The following STK4 variants were observed in gnomAD, a reference collection of about 807,000 sequenced individuals.
The protein encoded by STK4 is serine/threonine-protein kinase 4.
Under a neutral mutation model 64.9 loss-of-function variants are expected in STK4, and 30 were observed. That is an observed-to-expected ratio of 0.46 (90% CI 0.35 to 0.63). The LOEUF (loss-of-function observed/expected upper bound fraction) is 0.63, where lower values mean the gene tolerates loss of function less well. Among genes scored for constraint, STK4 ranks in the 20% least tolerant of loss-of-function variants. The pLI is 0.01. For missense variants in STK4, 466 were observed against 598.5 expected (o/e 0.78, Z 2.31); for synonymous variants, 177 against 199.0 (o/e 0.89, Z 0.93).
In STK4 at chr20:45,001,217, G is replaced by A. The variant is rs2067832956; in HGVS notation, c.1011G>A (p.Glu337=). The A allele has an allele frequency of 1.2e-6, 2 of 1,614,156 alleles. No homozygotes were observed. Among genetic ancestry groups the A allele is most frequent in the East Asian group, 4.5e-5 (2 of 44,890 alleles). The change falls in exon 9 of 11, where the codon GAG becomes GAA. Residue 337 remains glutamate (E), a synonymous_variant. Coordinates refer to ENST00000372806, the MANE Select transcript of STK4 (RefSeq NM_006282.5). ...SGTMVRAVGD[E]MGTVRVASTM... ...CGATGGTTCGAGCAGTGGGTGATGA[G>A]ATGGGCACTGTCCGAGTAGCCAGCA...
chr20:45,044,027 C>T (rs1227318572), intron 10 of STK4, among the ~76,000 whole-genome samples: 1 of 152,138 alleles, frequency 6.6e-6, no homozygotes, highest in African/African-American at 2.4e-5. Context: ...GGAATTAAAA[C>T]TATTACTGCT....
chr20:44,984,540 A>C (rs942546245), intron 4 of STK4, among the ~76,000 whole-genome samples: 2 of 152,180 alleles, frequency 1.3e-5, no homozygotes, highest in African/African-American at 4.8e-5. Flanking sequence ...TATTTTGCCA[A>C]ATGTTATAAC....
intron 10 of STK4, among the ~76,000 whole-genome samples, chr20:45,074,607 C>A (rs538704713): frequency 1.3e-5 from 2 of 152,120 alleles, no homozygotes; most frequent in South Asian, 4.1e-4. Flanking sequence ...AAGGCGCTGT[C>A]CAGATAGACG....
At chr20:45,074,773 C>T (rs1385836385) in intron 10 of STK4, among the ~76,000 whole-genome samples, 3 of 152,126 alleles carry the variant, frequency 2.0e-5, no homozygotes, top group Admixed American at 6.5e-5. Flanking sequence ...GGTCAAGGCA[C>T]ATTAAATCAA....
intron 4 of STK4, among the ~76,000 whole-genome samples, chr20:44,985,339 C>G (rs930170807): frequency 6.6e-6 from 1 of 152,054 alleles, no homozygotes; most frequent in Non-Finnish European, 1.5e-5. Flanking sequence ...TAACGGTTAG[C>G]CTTTATTTAT....
chr20:44,987,731 TCTC>T (rs2067555270), intron 5 of STK4, among the ~76,000 whole-genome samples: 1 of 151,938 alleles, frequency 6.6e-6, no homozygotes, highest in South Asian at 2.1e-4. Context: ...TCTTGATTCT[TCTC>T]CTGCCTAACT....
At chr20:45,036,681 A>G (rs1285198842) in intron 10 of STK4, among the ~76,000 whole-genome samples, 3 of 152,176 alleles carry the variant, frequency 2.0e-5, no homozygotes, top group Non-Finnish European at 2.9e-5. Flanking sequence ...TTGTGAACAA[A>G]TGTGAATCTT....
At chr20:45,050,267 C>T (rs1388794439) in intron 10 of STK4, among the ~76,000 whole-genome samples, 1 of 152,118 alleles carries the variant, frequency 6.6e-6, no homozygotes, top group African/African-American at 2.4e-5. Flanking sequence ...CTGAGTTCTC[C>T]AGCTCTTCAC....
rs1006072595 is a variant in STK4 at position 45,016,995 on chromosome 20, A to T, written c.1148-7978A>T. 2.0e-5 allele frequency among the ~76,000 whole-genome samples: 3 copies of T among 152,342 alleles called. No homozygotes were observed. The East Asian group carries it at 5.8e-4, about 29-fold the overall frequency. ...AAATGGAGATACATTTTTAAATATC[A>T]ATTTAAGTGGATCTATAAAGAAAAA... On this transcript the variant is annotated intron_variant, in intron 9 of 10. Transcript: ENST00000372806.
intron 10 of STK4, among the ~76,000 whole-genome samples, chr20:45,068,852 C>G (rs2145480256): frequency 6.6e-6 from 1 of 152,326 alleles, no homozygotes; most frequent in South Asian, 2.1e-4. Flanking sequence ...AAGTAATTAA[C>G]ATACTTCTTC....
At position 44,987,141 on chromosome 20, in the gene STK4, G is replaced by A. The variant is rs759942089; in HGVS notation, c.370G>A (p.Asp124Asn). The change falls in exon 5 of 11, where the codon GAT (aspartate) becomes AAT (asparagine). Residue 124 changes from aspartate to asparagine, a missense_variant. By Grantham distance (23) the Asp-to-Asn change is conservative (BLOSUM62 1). Coordinates refer to ENST00000372806, the MANE Select transcript of STK4 (RefSeq NM_006282.5). The stretch of plus-strand genomic sequence containing the variant: ...CTTATTCTTTTTTCAGTTAACAGAA[G>A]ATGAAATAGCTACAATATTACAATC... ...IRLRNKTLTEDEIATILQSTL... is the reference protein window; with the variant it reads ...IRLRNKTLTENEIATILQSTL... 3 of 1,585,396 alleles carry A rather than the reference G, an allele frequency of 1.9e-6. No homozygotes were observed. The East Asian group carries it at 6.8e-5, about 36-fold the overall frequency.
intron 8 of STK4, among the ~76,000 whole-genome samples, chr20:45,000,732 T>G (rs2067822721): frequency 6.6e-6 from 1 of 152,210 alleles, no homozygotes; most frequent in Non-Finnish European, 1.5e-5. Flanking sequence ...CTTTTAAATT[T>G]TACTCTTTGC....
chr20:44,983,200 T>C (rs2067472120), intron 4 of STK4, among the ~76,000 whole-genome samples: 1 of 152,332 alleles, frequency 6.6e-6, no homozygotes, highest in South Asian at 2.1e-4. Flanking sequence ...CTAGATTGTA[T>C]TGGATATTGC....
rs150069136 is a variant in STK4 at position 45,060,560 on chromosome 20, C to T, written c.1306-14458C>T. Among the ~76,000 whole-genome samples the T allele has an allele frequency of 4.2e-4, 64 of 152,234 alleles. No homozygotes were observed. The East Asian group carries it at 0.011, about 25-fold the overall frequency. On this transcript the variant is annotated intron_variant, in intron 10 of 10. Coordinates refer to ENST00000372806, the MANE Select transcript of STK4 (RefSeq NM_006282.5). Reference sequence around the variant, plus strand: ...GTTGGCCAGGCTTTACAGTCAGACACGCTAAGGTTCCTATCCTAATTCAAC... The same window carrying T: ...GTTGGCCAGGCTTTACAGTCAGACATGCTAAGGTTCCTATCCTAATTCAAC...
At position 45,062,989 on chromosome 20, in the gene STK4, C is replaced by CTTTTTT. The variant is rs71197599; in HGVS notation, c.1306-12004_1306-11999dup. 5.2e-3 allele frequency among the ~76,000 whole-genome samples: 164 copies of CTTTTTT among 31,508 alleles called. 37 individuals are homozygous for CTTTTTT. The highest frequency in any genetic ancestry group is 0.021 in the African/African-American group (151 of 7,168). 20.7% of individuals were successfully genotyped at this position (31,508 alleles called of 152,430 possible). On this transcript the variant is annotated intron_variant, in intron 10 of 10. Coordinates refer to ENST00000372806, the MANE Select transcript of STK4 (RefSeq NM_006282.5). ...ACAGGTGTGAGCCACCGCACCCGGC[C>CTTTTTT]TTTTTTTTTTTTTTTTTTTTTTTTT... is the stretch of plus-strand genomic sequence containing the variant.
intron 9 of STK4, among the ~76,000 whole-genome samples, chr20:45,018,848 C>G (rs1479682671): frequency 6.6e-6 from 1 of 151,688 alleles, no homozygotes; most frequent in African/African-American, 2.4e-5. Context: ...CTGCCTTAGC[C>G]TCCTGAATAG....
chr20:45,009,713 C>G (rs2145717092), intron 9 of STK4, among the ~76,000 whole-genome samples: 1 of 152,212 alleles, frequency 6.6e-6, no homozygotes, highest in South Asian at 2.1e-4. Flanking sequence ...TTTCTTTCAG[C>G]AGTGTTTTGT....
chr20:44,972,029 G>T (rs746687630), intron 1 of STK4, 49 bp from the exon 2 acceptor site: 1 of 1,549,928 alleles, frequency 6.5e-7, no homozygotes, highest in South Asian at 1.1e-5. Context: ...TTATGTTCTA[G>T]TTCCTAGCAA....
At chr20:45,060,509 T>C (rs1978899241) in intron 10 of STK4, among the ~76,000 whole-genome samples, 1 of 152,206 alleles carries the variant, frequency 6.6e-6, no homozygotes, top group African/African-American at 2.4e-5. Context: ...TGTCAATTCC[T>C]ATAGCACATG....
Sources: gnomAD v4.1 joint callset for allele counts (sites outside exome capture counted in the v4.1 genomes callset) on GRCh38, gnomAD v4.1.1 for gene constraint, MANE v1.5 for transcripts, NCBI Gene and HGNC (gene_info 2026-07-23, HGNC 2026-07-21) for gene names.